The following IFT74 variants were observed in gnomAD, a reference collection of about 807,000 sequenced individuals.
The protein encoded by IFT74 is intraflagellar transport protein 74 homolog.
In IFT74, 92 loss-of-function variants were observed where a neutral mutation model predicts 96.7. That is an observed-to-expected ratio of 0.95 (90% CI 0.80 to 1.13). IFT74 has a LOEUF of 1.13. IFT74 is among the 50% of genes most tolerant of loss of function. The pLI is 0.00. For missense variants in IFT74, 811 were observed against 698.2 expected (o/e 1.16, Z -1.82); for synonymous variants, 223 against 213.2 (o/e 1.05, Z -0.40).
intron 18 of IFT74, among the ~76,000 whole-genome samples, chr9:27,058,562 G>A (rs10812523): frequency 0.24 from 36,902 of 151,530 alleles, 5,503 homozygotes; most frequent in East Asian, 0.7. Flanking sequence ...ATTTTTTTGT[G>A]TTTTTAGTAG....
intron 18 of IFT74, among the ~76,000 whole-genome samples, chr9:27,057,640 G>A (rs945054123): frequency 1.3e-5 from 2 of 152,020 alleles, no homozygotes; most frequent in African/African-American, 4.8e-5. Flanking sequence ...GGCGGATCAC[G>A]AGGTCAGGAG....
chr9:27,027,599 G>C (rs1276494735), intron 12 of IFT74, among the ~76,000 whole-genome samples: 1 of 151,924 alleles, frequency 6.6e-6, no homozygotes, highest in African/African-American at 2.4e-5. Context: ...ATGCTTATTG[G>C]CCATATTCTT....
At chr9:26,954,943 G>A (rs1016836387), upstream of IFT74, among the ~76,000 whole-genome samples, 13 of 152,104 alleles carry the variant, frequency 8.5e-5, no homozygotes, top group Admixed American at 5.9e-4. Flanking sequence ...AAATAAGTGA[G>A]ATGTATTCCT....
At chr9:26,957,000 C>G (rs965411268) in intron 1 of IFT74, among the ~76,000 whole-genome samples, 1 of 152,188 alleles carries the variant, frequency 6.6e-6, no homozygotes, top group African/African-American at 2.4e-5. Flanking sequence ...AGATGTCACC[C>G]TTCTGTTTTA....
chr9:27,006,455 A>G (rs893270660), intron 8 of IFT74, among the ~76,000 whole-genome samples: 2 of 152,120 alleles, frequency 1.3e-5, no homozygotes, highest in East Asian at 3.9e-4. Flanking sequence ...AAGTAAAAAC[A>G]TTAGCAGGGC....
intron 11 of IFT74, 43 bp downstream of exon 11, chr9:27,017,093 G>C (rs528959248): frequency 6.5e-7 from 1 of 1,542,450 alleles, no homozygotes; most frequent in East Asian, 2.3e-5. Context: ...TCTGGTTTTG[G>C]TACATGTATT....
chr9:26,969,188 A>T (rs1826768559), intron 2 of IFT74, among the ~76,000 whole-genome samples: 1 of 151,980 alleles, frequency 6.6e-6, no homozygotes, highest in African/African-American at 2.4e-5. Context: ...TCAGGAACAT[A>T]TTTCTATTTG....
At chr9:27,017,810 C>T (rs770002633) in intron 11 of IFT74, among the ~76,000 whole-genome samples, 1 of 152,056 alleles carries the variant, frequency 6.6e-6, no homozygotes, top group African/African-American at 2.4e-5. Context: ...TCTTACTACC[C>T]CAGGGGTGGA....
At chr9:26,961,499 CT>C (rs1416288884) in intron 1 of IFT74, among the ~76,000 whole-genome samples, 2 of 152,112 alleles carry the variant, frequency 1.3e-5, no homozygotes, top group Non-Finnish European at 2.9e-5. Context: ...AGCTAAAACA[CT>C]TGGACTACCG....
Position 27,064,972 on chromosome 9 carries a change from C to T in IFT74, c.*2236C>T, listed in dbSNP as rs1251951190. The stretch of plus-strand genomic sequence containing the variant: ...TCAAATAAAGTACTATATGCAGTTA[C>T]TACTTTAACTGACAGAAAGGATGTA... On this transcript the variant is annotated 3_prime_UTR_variant, in exon 20 of 20. Transcript: ENST00000380062. Among the ~76,000 whole-genome samples, 2 of 152,080 alleles carry T rather than the reference C, an allele frequency of 1.3e-5. No homozygotes were observed. Among genetic ancestry groups the T allele is most frequent in the East Asian group, 3.8e-4 (2 of 5,202 alleles).
At chr9:27,009,749 C>A (rs560025844) in intron 9 of IFT74, among the ~76,000 whole-genome samples, 1 of 151,906 alleles carries the variant, frequency 6.6e-6, no homozygotes, top group Non-Finnish European at 1.5e-5. Flanking sequence ...AAACAGCTAA[C>A]CTTTTTACCT....
chr9:26,997,203 ACT>A (rs1343158478), intron 8 of IFT74, among the ~76,000 whole-genome samples: 1 of 143,726 alleles, frequency 7.0e-6, no homozygotes, highest in Non-Finnish European at 1.5e-5. Flanking sequence ...TAATAACAAA[ACT>A]CTGTCTCAAA....
chr9:26,948,448 A>ATTT lies in IFT74; in HGVS notation c.-20+1340_-20+1342dup, dbSNP rs71841244. 7.4e-4 allele frequency among the ~76,000 whole-genome samples: 44 copies of ATTT among 59,162 alleles called. 7 individuals are homozygous for ATTT. Among genetic ancestry groups the ATTT allele is most frequent in the Non-Finnish European group, 1.2e-3 (31 of 26,082 alleles). The allele number at this position is 59,162 out of a possible 152,430, so 38.8% of individuals were successfully genotyped here. A position where few individuals can be genotyped will look rare whatever the true frequency, so the allele number is the denominator to read the frequency against. Reference sequence around the variant, plus strand: ...TGACAACCTGTGATGGCTTTCCATTATTTTTTTTTTTTTTTTTTTTTTTTT... The same window carrying ATTT: ...TGACAACCTGTGATGGCTTTCCATTATTTTTTTTTTTTTTTTTTTTTTTTTTTT... On this transcript the variant is annotated intron_variant, in intron 1 of 19. Coordinates refer to the IFT74 transcript ENST00000433700.
At chr9:27,029,272 A>G (rs1186646192) in intron 13 of IFT74, among the ~76,000 whole-genome samples, 168 bp downstream of exon 13, 4 of 152,228 alleles carry the variant, frequency 2.6e-5, no homozygotes, top group East Asian at 3.8e-4. Flanking sequence ...TATTAAAGCA[A>G]TGATTTAAAC....
intron 8 of IFT74, among the ~76,000 whole-genome samples, chr9:27,004,757 T>G (rs895306629): frequency 6.6e-6 from 1 of 152,168 alleles, no homozygotes; most frequent in African/African-American, 2.4e-5. Flanking sequence ...GGAGCTAATA[T>G]AAAATAGAAA....
chr9:26,948,475 T>A (rs1247945995), intron 1 of IFT74, among the ~76,000 whole-genome samples: 3 of 85,418 alleles, frequency 3.5e-5, no homozygotes, highest in African/African-American at 1.6e-4. Context: ...TTTTTTTTTT[T>A]TTTTTTTTTT....
rs994051877 is a variant in IFT74, at chr9:27,031,324, G to A, written c.1054+2220G>A. Reference sequence around the variant, plus strand: ...TACTAAAAAATACAAAAAATTAGCCGGGCCTGGTGGTGGGCGCCTGTAGTC... The same window carrying A: ...TACTAAAAAATACAAAAAATTAGCCAGGCCTGGTGGTGGGCGCCTGTAGTC... On this transcript the variant is annotated intron_variant, in intron 13 of 19. Transcript: ENST00000380062. Among the ~76,000 whole-genome samples, 38 of 152,010 alleles carry A rather than the reference G, an allele frequency of 2.5e-4. 1 individual carries two copies. The highest frequency in any genetic ancestry group is 6.6e-4 in the Admixed American group (10 of 15,256).
intron 8 of IFT74, among the ~76,000 whole-genome samples, chr9:27,001,460 C>T (rs957379280): frequency 3.9e-5 from 6 of 152,170 alleles, no homozygotes; most frequent in African/African-American, 1.4e-4. Flanking sequence ...CACATCGTCA[C>T]CAGCATCCGT....
At chr9:26,967,760 A>G (rs1413660659) in intron 2 of IFT74, among the ~76,000 whole-genome samples, 1 of 152,156 alleles carries the variant, frequency 6.6e-6, no homozygotes, top group Admixed American at 6.5e-5. Context: ...GTATTTAGAT[A>G]TGTTCCTTCT....
Sources: gnomAD v4.1 joint callset for allele counts (sites outside exome capture counted in the v4.1 genomes callset) on GRCh38, gnomAD v4.1.1 for gene constraint, MANE v1.5 for transcripts, NCBI Gene and HGNC (gene_info 2026-07-23, HGNC 2026-07-21) for gene names.